Variants in TCAIM observed in about 807,000 individuals in gnomAD.
TCAIM encodes the protein T-cell activation inhibitor, mitochondrial.
TCAIM carries 36 observed loss-of-function variants against 58.6 expected under a neutral mutation model. The ratio of observed to expected loss-of-function variants is 0.61; its 90% CI spans 0.47 to 0.81. The LOEUF (loss-of-function observed/expected upper bound fraction) is 0.81, where lower values mean the gene tolerates loss of function less well. TCAIM is among the 30% of genes least tolerant of loss of function. TCAIM has a pLI of 0.00. For missense variants in TCAIM, 466 were observed against 579.6 expected (o/e 0.80, Z 2.01); for synonymous variants, 172 against 193.6 (o/e 0.89, Z 0.93).
Position 44,367,470 on chromosome 3 carries a change from A to C in TCAIM, c.334A>C (p.Lys112Gln). ...ATATTCTCTAGGATTTCGAGCAGTC[A>C]AATTTACTTTGCACACCAGAGATCT... is the stretch of plus-strand genomic sequence containing the variant. Reference protein sequence around the residue: ...PFSTSGFRAVKFTLHTRDLLS... With the variant: ...PFSTSGFRAVQFTLHTRDLLS... The change falls in exon 5 of 11, where the codon AAA becomes CAA. Residue 112 changes from lysine (K) to glutamine (Q), a missense_variant. By Grantham distance (53) the Lys-to-Gln change is moderately conservative. Transcript: ENST00000342649. The C allele has an allele frequency of 6.2e-7, 1 of 1,609,170 alleles. No individual in the cohort carries two copies. Among genetic ancestry groups the C allele is most frequent in the East Asian group, 2.2e-5 (1 of 44,784 alleles).
At chr3:44,343,699 C>A (rs149242791) in intron 1 of TCAIM, among the ~76,000 whole-genome samples, 58 of 152,268 alleles carry the variant, frequency 3.8e-4, no homozygotes, top group African/African-American at 1.4e-3. Context: ...AAATGTAAAC[C>A]TTTTTAGGAA....
intron 5 of TCAIM, among the ~76,000 whole-genome samples, chr3:44,390,339 C>T (rs1289686557): frequency 1.3e-5 from 2 of 152,168 alleles, no homozygotes; most frequent in Non-Finnish European, 2.9e-5. Flanking sequence ...GGAATGAGGC[C>T]AGGTACAGTG....
At chr3:44,341,828 A>G (rs1200202307) in intron 1 of TCAIM, among the ~76,000 whole-genome samples, 3 of 152,182 alleles carry the variant, frequency 2.0e-5, no homozygotes, top group Non-Finnish European at 2.9e-5. Context: ...CTACTTTCAT[A>G]AGTGATGTAC....
At chr3:44,391,005 C>T (rs2125650825) in intron 5 of TCAIM, among the ~76,000 whole-genome samples, 1 of 152,224 alleles carries the variant, frequency 6.6e-6, no homozygotes, top group South Asian at 2.1e-4. Context: ...GGACTCCATC[C>T]AGGTCACTCA....
intron 5 of TCAIM, among the ~76,000 whole-genome samples, chr3:44,378,123 G>A (rs1701595276): frequency 2.0e-5 from 3 of 152,158 alleles, no homozygotes; most frequent in Admixed American, 2.0e-4. Flanking sequence ...GCTCACACCT[G>A]TAATCCCAGC....
chr3:44,391,558 A>G (rs1329770051), intron 5 of TCAIM, among the ~76,000 whole-genome samples: 2 of 152,178 alleles, frequency 1.3e-5, no homozygotes, highest in Non-Finnish European at 2.9e-5. Context: ...ATACAGGTTT[A>G]GAGAACATCT....
chr3:44,362,130 T>C (rs574399675), intron 4 of TCAIM, among the ~76,000 whole-genome samples: 5 of 152,228 alleles, frequency 3.3e-5, no homozygotes, highest in Non-Finnish European at 7.3e-5. Context: ...AAGAAATAAC[T>C]ATATTTTTAG....
chr3:44,405,629 C>T (rs1344021024), intron 10 of TCAIM, among the ~76,000 whole-genome samples: 4 of 151,724 alleles, frequency 2.6e-5, no homozygotes, highest in South Asian at 2.1e-4. Context: ...ACCATGGTCA[C>T]GACAGTGATA....
chr3:44,374,962 C>T (rs1701541709), intron 5 of TCAIM, among the ~76,000 whole-genome samples: 1 of 152,174 alleles, frequency 6.6e-6, no homozygotes, highest in East Asian at 1.9e-4. Flanking sequence ...GAAAACTGAG[C>T]TTCGCTTGAG....
intron 6 of TCAIM, among the ~76,000 whole-genome samples, chr3:44,393,680 T>C (rs1701876874): frequency 6.6e-6 from 1 of 152,038 alleles, no homozygotes; most frequent in African/African-American, 2.4e-5. Flanking sequence ...TCTACCACTT[T>C]GGGAGGCCAA....
rs1034321500 is a variant in TCAIM, at chr3:44,408,390, C to G, written c.*708C>G. 1 of 152,140 alleles carries G rather than the reference C, an allele frequency of 6.6e-6. No homozygotes were observed. The highest frequency in any genetic ancestry group is 6.5e-5 in the Admixed American group (1 of 15,274). 9.4% of individuals were successfully genotyped at this position (152,140 alleles called of 1,614,324 possible). ...TAGGTAACAGAAATTAGATAACCAC[C>G]AATTTTGCCCAAGAGAAAGACTAGA... On this transcript the variant is annotated 3_prime_UTR_variant, in exon 11 of 11. Coordinates refer to ENST00000342649, the MANE Select transcript of TCAIM (RefSeq NM_173826.4).
At chr3:44,403,369 G>T (rs1052910222) in intron 10 of TCAIM, among the ~76,000 whole-genome samples, 2 of 152,202 alleles carry the variant, frequency 1.3e-5, no homozygotes, top group African/African-American at 4.8e-5. Flanking sequence ...GTAAATGAAG[G>T]AGCAGCATCT....
At chr3:44,371,653 A>C (rs1701471968) in intron 5 of TCAIM, among the ~76,000 whole-genome samples, 1 of 152,122 alleles carries the variant, frequency 6.6e-6, no homozygotes, top group Non-Finnish European at 1.5e-5. Flanking sequence ...TTATCTCCCT[A>C]ACATAACCTG....
At chr3:44,342,516 CTTTA>C (rs1449242772) in intron 1 of TCAIM, among the ~76,000 whole-genome samples, 3 of 152,102 alleles carry the variant, frequency 2.0e-5, no homozygotes, top group South Asian at 2.1e-4. Context: ...CTAGGAGTAG[CTTTA>C]TTTATCAATC....
chr3:44,338,471 C>T (rs1237215257), upstream of TCAIM: 1 of 152,370 alleles, frequency 6.6e-6, no homozygotes, highest in Admixed American at 6.5e-5. Flanking sequence ...CTGGCACGCT[C>T]CAGCCAACCA....
chr3:44,401,081 A>T, intron 9 of TCAIM, 122 bp from the exon 10 acceptor site: 1 of 1,387,584 alleles, frequency 7.2e-7, no homozygotes, highest in Non-Finnish European at 9.7e-7. Flanking sequence ...ATGTTGCTGT[A>T]CTTTTGAGGT....
intron 8 of TCAIM, 89 bp downstream of exon 8, chr3:44,396,923 G>A: frequency 9.3e-6 from 12 of 1,289,760 alleles, no homozygotes; most frequent in Non-Finnish European, 1.3e-5. Context: ...CTAAAAAAAG[G>A]TTTGTTGTGT....
At chr3:44,396,708 C>T (rs1234648453) in intron 7 of TCAIM, 35 bp from the exon 8 acceptor site, 12 of 1,601,778 alleles carry the variant, frequency 7.5e-6, no homozygotes, top group South Asian at 1.1e-5. Context: ...TGAAGCACCT[C>T]GACCATGACC....
upstream of TCAIM, chr3:44,338,732 C>T (rs937918228): frequency 6.6e-6 from 1 of 152,316 alleles, no homozygotes; most frequent in East Asian, 1.9e-4. Context: ...GCATGCGCGT[C>T]CGAACAGCCC....
Sources: gnomAD v4.1 joint callset for allele counts (sites outside exome capture counted in the v4.1 genomes callset) on GRCh38, gnomAD v4.1.1 for gene constraint, MANE v1.5 for transcripts, NCBI Gene and HGNC (gene_info 2026-07-23, HGNC 2026-07-21) for gene names.